Variants in DBH observed in about 807,000 individuals in gnomAD.
The protein encoded by DBH is dopamine beta-hydroxylase (dopamine beta-monooxygenase).
DBH carries 49 observed loss-of-function variants against 64.0 expected under a neutral mutation model. The ratio of observed to expected loss-of-function variants is 0.77; its 90% CI spans 0.61 to 0.97. The LOEUF (loss-of-function observed/expected upper bound fraction) is 0.97. DBH is among the 50% of genes least tolerant of loss of function. The probability of loss-of-function intolerance (pLI) is 0.00; values close to 1 mark genes in which losing one functional copy is unlikely to be tolerated. For synonymous variants in DBH, 343 were observed against 347.1 expected (o/e 0.99, Z 0.13); for missense variants, 828 against 826.6 (o/e 1.00, Z -0.02).
chr9:133,643,490 C>T lies in DBH; in HGVS notation c.822C>T (p.Asp274=). Residue 274 remains aspartate, a synonymous_variant, in exon 4 of 12, where the codon GAC becomes GAT. Transcript: ENST00000393056. The surrounding 1 kb of genome is among the most constrained non-coding windows in gnomAD (Gnocchi z 5.3). Reference sequence around the variant, plus strand: ...TCTTCCAGTGCGCCCCCGAGATGGACAGCGTCCCCCACTTCAGCGGGCCCT... The same window carrying T: ...TCTTCCAGTGCGCCCCCGAGATGGATAGCGTCCCCCACTTCAGCGGGCCCT... ...MEVFQCAPEM[D]SVPHFSGPCD... is the part of the protein sequence containing the mutation. The T allele has an allele frequency of 6.2e-7, 1 of 1,613,880 alleles. No individual in the cohort carries two copies. The highest frequency in any genetic ancestry group is 8.5e-7 in the Non-Finnish European group (1 of 1,179,952).
chr9:133,656,201 C>T (rs1564214820), intron 9 of DBH: 3 of 363,168 alleles, frequency 8.3e-6, no homozygotes, highest in Non-Finnish European at 1.6e-5. Flanking sequence ...ACGGGGCATC[C>T]CCTTGCCTGC....
At chr9:133,652,897 C>G in intron 8 of DBH, 43 bp from the exon 9 acceptor site, 1 of 1,530,680 alleles carries the variant, frequency 6.5e-7, no homozygotes, top group Non-Finnish European at 9.0e-7. Context: ...CACCTGCCAA[C>G]GCCAGGTGGC....
At chr9:133,648,103 G>T in intron 6 of DBH, 91 bp downstream of exon 6, 1 of 1,444,982 alleles carries the variant, frequency 6.9e-7, no homozygotes, top group Non-Finnish European at 9.4e-7. Flanking sequence ...AGGGTGGCAG[G>T]CACAGCTTTG....
intron 2 of DBH, among the ~76,000 whole-genome samples, chr9:133,641,918 G>A (rs1196130426): frequency 3.3e-5 from 5 of 152,216 alleles, no homozygotes; most frequent in East Asian, 3.9e-4. Context: ...ACTGGCTCAC[G>A]GCGGGCCCAG....
At chr9:133,657,410 A>G (rs1372808854) in intron 11 of DBH, 181 bp downstream of exon 11, 1 of 25,502 alleles carries the variant, frequency 3.9e-5, no homozygotes, top group Non-Finnish European at 9.8e-5. Flanking sequence ...GAGAGAGAGG[A>G]GAGAGGAGAG....
rs111514228 is a variant in DBH at position 133,636,387 on chromosome 9, C to A, written c.16C>A (p.Arg6Ser). The change falls in exon 1 of 12, where the codon CGC becomes AGC. Residue 6 changes from arginine (R) to serine (S), a missense_variant. By Grantham distance (110) the Arg-to-Ser change is moderately radical. Transcript: ENST00000393056. MPALS[R>S]WASLPGPSMR... ...CACCCCAGCCATGCCCGCCCTCAGT[C>A]GCTGGGCCAGCCTGCCCGGCCCCAG... 105 of 1,610,128 alleles carry A rather than the reference C, an allele frequency of 6.5e-5. 1 individual carries two copies. Among genetic ancestry groups the A allele is most frequent in the African/African-American group, 5.6e-4 (42 of 75,056 alleles).
chr9:133,639,777 GC>G, intron 1 of DBH, 68 bp from the exon 2 acceptor site: 1 of 1,511,602 alleles, frequency 6.6e-7, no homozygotes, highest in Non-Finnish European at 9.0e-7. Flanking sequence ...GCCGGGGAAT[GC>G]CCTCTTCCCC....
chr9:133,652,225 C>T, intron 7 of DBH, 21 bp from the exon 8 acceptor site: 1 of 1,613,814 alleles, frequency 6.2e-7, no homozygotes, highest in Non-Finnish European at 8.5e-7. Context: ...CTCCCCCACC[C>T]CTCGGCTCTG....
rs371329687 is a variant in DBH, at chr9:133,647,790, G to A, written c.1025-56G>A. On this transcript the variant is annotated intron_variant, in intron 5 of 11. Coordinates refer to ENST00000393056, the MANE Select transcript of DBH (RefSeq NM_000787.4). ...TCATAGGGATAATCTGTCCGCAGGG[G>A]GAAGTGAGAGGGCCTCCACTTACCG... 2.2e-5 allele frequency: 35 copies of A among 1,605,838 alleles called. No homozygotes were observed. In the East Asian group the frequency reaches 6.9e-4, roughly 32 times the overall value.
rs1207869458 is a variant in DBH, at chr9:133,648,953, T to C, written c.1191+941T>C. 2.0e-5 allele frequency among the ~76,000 whole-genome samples: 3 copies of C among 152,324 alleles called. No homozygotes were observed. In the East Asian group the frequency reaches 5.8e-4, roughly 29 times the overall value. On this transcript the variant is annotated intron_variant, in intron 6 of 11. Coordinates refer to ENST00000393056, the MANE Select transcript of DBH (RefSeq NM_000787.4). ...AATTGCTGCTCAGAGATGTGAGTGT[T>C]CCCTTGAGTAAATCTTGCAAAATGC...
Position 133,636,627 on chromosome 9 carries a change from C to G in DBH, c.256C>G (p.Leu86Val). 1 of 1,613,418 alleles carries G rather than the reference C, an allele frequency of 6.2e-7. No homozygotes were observed. Among genetic ancestry groups the G allele is most frequent in the Non-Finnish European group, 8.5e-7 (1 of 1,180,012 alleles). Residue 86 changes from leucine (L) to valine (V), a missense_variant, in exon 1 of 12, where the codon CTG becomes GTG. Coordinates refer to ENST00000393056, the MANE Select transcript of DBH (RefSeq NM_000787.4). Reference sequence around the variant, plus strand: ...GGTGCGGAGGCTCAAGGCTGGCGTCCTGTTTGGGATGTCCGACCGTGGCGA... The same window carrying G: ...GGTGCGGAGGCTCAAGGCTGGCGTCGTGTTTGGGATGTCCGACCGTGGCGA... ...LLVRRLKAGVLFGMSDRGELE... is the reference protein window; with the variant it reads ...LLVRRLKAGVVFGMSDRGELE...
intron 1 of DBH, among the ~76,000 whole-genome samples, chr9:133,638,296 C>T (rs563402674): frequency 6.6e-6 from 1 of 152,360 alleles, no homozygotes; most frequent in Non-Finnish European, 1.5e-5. Context: ...GGCAAACCAG[C>T]GGTGTCCCCA....
intron 2 of DBH, 146 bp from the exon 3 acceptor site, chr9:133,642,061 C>T: frequency 1.7e-6 from 2 of 1,162,110 alleles, no homozygotes; most frequent in Non-Finnish European, 2.5e-6. Flanking sequence ...CAGGGCCATG[C>T]AAGCCTCAAG....
chr9:133,658,199 TTGAGACAAGC>T, intron 11 of DBH, 107 bp from the exon 12 acceptor site: 1 of 1,417,034 alleles, frequency 7.1e-7, no homozygotes, highest in South Asian at 1.2e-5. Flanking sequence ...TGAGTTCAGT[TTGAGACAAGC>T]TGAGTTTGAG....
intron 6 of DBH, among the ~76,000 whole-genome samples, chr9:133,650,464 C>A (rs540002449): frequency 1.4e-5 from 2 of 146,918 alleles, no homozygotes; most frequent in Non-Finnish European, 3.0e-5. Flanking sequence ...CCTTTCTTTT[C>A]TTTTTCTTTC....
chr9:133,652,289 G>A lies in DBH; in HGVS notation c.1374+5G>A. 6.2e-7 allele frequency: 1 copy of A among 1,613,184 alleles called. No individual in the cohort carries two copies. Among genetic ancestry groups the A allele is most frequent in the Non-Finnish European group, 8.5e-7 (1 of 1,180,008 alleles). On this transcript the variant is annotated splice_donor_5th_base_variant and intron_variant, in intron 8 of 11. Transcript: ENST00000393056. ...AAGGTCGTGTCGGTCCATCCGGTGA[G>A]TGCCCAGCGGGAAGGCTGTCCCACT...
chr9:133,645,632 G>C (rs558362405), intron 5 of DBH, among the ~76,000 whole-genome samples: 1 of 152,158 alleles, frequency 6.6e-6, no homozygotes, highest in African/African-American at 2.4e-5. Context: ...TACAGGAGCC[G>C]TTTGAGTTTG....
chr9:133,653,347 G>A (rs1471186417), intron 9 of DBH, among the ~76,000 whole-genome samples: 2 of 152,186 alleles, frequency 1.3e-5, no homozygotes, highest in African/African-American at 2.4e-5. Context: ...GGGAGAAGCT[G>A]TAGGACAAGA....
intron 6 of DBH, among the ~76,000 whole-genome samples, chr9:133,650,491 T>C (rs533327038): frequency 0.052 from 7,479 of 143,182 alleles, 424 homozygotes; most frequent in African/African-American, 0.15. Flanking sequence ...TTTTTCTTTC[T>C]TTTCTTTCCT....
Sources: gnomAD v4.1 joint callset for allele counts (sites outside exome capture counted in the v4.1 genomes callset) on GRCh38, gnomAD v4.1.1 for gene constraint, Gnocchi (gnomAD v3.1) non-coding constraint, MANE v1.5 for transcripts, NCBI Gene and HGNC (gene_info 2026-07-23, HGNC 2026-07-21) for gene names.